Variants in USP32 observed in about 807,000 individuals in gnomAD.
The protein encoded by USP32 is ubiquitin carboxyl-terminal hydrolase 32.
USP32 carries 59 observed loss-of-function variants against 204.8 expected under a neutral mutation model. The observed-to-expected ratio is 0.29, with a 90% CI of 0.23 to 0.36. The LOEUF is 0.36. Ranked by LOEUF, USP32 falls within the 10% of genes least tolerant of loss-of-function variation. The probability of loss-of-function intolerance (pLI) is 1.00; values close to 1 mark genes in which losing one functional copy is unlikely to be tolerated. For synonymous variants in USP32, 517 were observed against 678.4 expected, an observed-to-expected ratio of 0.76 and a Z score of 3.70; for missense variants, 1,160 against 1,946.4, an observed-to-expected ratio of 0.60 and a Z score of 7.60.
intron 12 of USP32, among the ~76,000 whole-genome samples, chr17:60,233,125 T>C (rs1435808753): frequency 6.6e-6 from 1 of 152,150 alleles, no homozygotes; most frequent in Non-Finnish European, 1.5e-5. Context: ...CTTATTGAAG[T>C]TTCTCATAAT....
chr17:60,318,145 AAC>A (rs1324387121), intron 2 of USP32, among the ~76,000 whole-genome samples: 1 of 152,260 alleles, frequency 6.6e-6, no homozygotes, highest in African/African-American at 2.4e-5. Flanking sequence ...CTAAAAGGTT[AAC>A]AGAATTAAAT....
At chr17:60,345,708 A>G (rs1448239090) in intron 1 of USP32, 100 bp from the exon 2 acceptor site, 1 of 1,463,550 alleles carries the variant, frequency 6.8e-7, no homozygotes, top group Non-Finnish European at 9.5e-7. Flanking sequence ...GAGGCTAGGC[A>G]CAGTGGCTCA....
chr17:60,201,853 T>A (rs915483516), intron 26 of USP32, among the ~76,000 whole-genome samples: 1 of 152,130 alleles, frequency 6.6e-6, no homozygotes, highest in African/African-American at 2.4e-5. Flanking sequence ...GAGATGGAGT[T>A]TCACCATATT....
At chr17:60,288,292 T>C (rs1236441882) in intron 5 of USP32, among the ~76,000 whole-genome samples, 2 of 151,276 alleles carry the variant, frequency 1.3e-5, no homozygotes, top group African/African-American at 4.9e-5. Context: ...ATAAAAAAAT[T>C]AGCCAGGCAT....
chr17:60,329,585 G>C (rs1321314313), intron 2 of USP32, among the ~76,000 whole-genome samples: 1 of 151,742 alleles, frequency 6.6e-6, no homozygotes, highest in East Asian at 1.9e-4. Context: ...CTAGGATACA[G>C]GCATAAGCCA....
chr17:60,392,204 C>G, upstream of USP32: 2 of 518,874 alleles, frequency 3.9e-6, no homozygotes, highest in South Asian at 2.3e-5. Flanking sequence ...TCCTCCCTCT[C>G]CTTCCCTCCT....
chr17:60,280,429 C>T (rs2086942646), intron 5 of USP32, among the ~76,000 whole-genome samples: 1 of 152,178 alleles, frequency 6.6e-6, no homozygotes, highest in East Asian at 1.9e-4. Context: ...TAAGTCTGTA[C>T]TGAATACAAA....
At chr17:60,249,469 C>T (rs947513404) in intron 11 of USP32, 10 of 437,820 alleles carry the variant, frequency 2.3e-5, no homozygotes, top group African/African-American at 1.8e-4. Flanking sequence ...TCTGCTGCTT[C>T]CCCTAACCAG....
In USP32 at chr17:60,180,697, A is replaced by G. The variant is rs187193346; in HGVS notation, c.4549-60T>C. On this transcript the variant is annotated intron_variant, in intron 32 of 33. Transcript: ENST00000300896. ...GTTAACTGTACTATGGCCAGGGTAT[A>G]GCACTAGGATCTGAGCAGGAGAACA... 638 of 1,508,260 alleles carry G rather than the reference A, an allele frequency of 4.2e-4. 5 individuals are homozygous for G. The African/African-American group carries it at 7.5e-3, about 18-fold the overall frequency. The allele number at this position is 1,508,260 out of a possible 1,614,324, so 93.4% of individuals were successfully genotyped here.
At chr17:60,185,045 T>C (rs62083731) in intron 30 of USP32, among the ~76,000 whole-genome samples, 5,125 of 152,294 alleles carry the variant, frequency 0.034, 141 homozygotes, top group South Asian at 0.071. Context: ...TAGTGTGCCA[T>C]AGCCACATGA....
chr17:60,186,159 T>C (rs567961169), intron 29 of USP32, among the ~76,000 whole-genome samples: 1 of 152,372 alleles, frequency 6.6e-6, no homozygotes, highest in African/African-American at 2.4e-5. Flanking sequence ...ATAAAATTTC[T>C]ATTTATATGA....
intron 1 of USP32, among the ~76,000 whole-genome samples, chr17:60,370,703 A>G (rs898169115): frequency 2.5e-4 from 38 of 151,028 alleles, no homozygotes; most frequent in Admixed American, 4.0e-4. Flanking sequence ...TCGAGGCTAC[A>G]GTGAGTTGTG....
chr17:60,292,826 C>A (rs894855066), intron 4 of USP32, among the ~76,000 whole-genome samples: 1 of 151,614 alleles, frequency 6.6e-6, no homozygotes, highest in African/African-American at 2.4e-5. Flanking sequence ...TACTCAAAAC[C>A]TTCCAGTGGT....
chr17:60,385,602 G>A (rs1412641149), intron 1 of USP32, among the ~76,000 whole-genome samples: 1 of 152,064 alleles, frequency 6.6e-6, no homozygotes, highest in East Asian at 1.9e-4. Flanking sequence ...AGCACTTTGG[G>A]AGGCCAGCGT....
chr17:60,245,976 A>G (rs1221345664), intron 11 of USP32, among the ~76,000 whole-genome samples: 1 of 151,994 alleles, frequency 6.6e-6, no homozygotes, highest in Admixed American at 6.6e-5. Context: ...ATGATCAAAT[A>G]TGGTAATTAG....
intron 11 of USP32, among the ~76,000 whole-genome samples, chr17:60,250,833 T>C (rs1435136530): frequency 1.3e-5 from 2 of 151,932 alleles, no homozygotes; most frequent in African/African-American, 4.8e-5. Context: ...AAAAACTACA[T>C]GAGACTAGAG....
chr17:60,236,271 A>G (rs760873312), intron 11 of USP32, 31 bp from the exon 12 acceptor site: 1 of 1,575,756 alleles, frequency 6.3e-7, no homozygotes, highest in African/African-American at 1.3e-5. Flanking sequence ...AAATACATCA[A>G]ACAAAGTGTG....
Position 60,178,918 on chromosome 17 carries a change from G to T in USP32, c.*337C>A, listed in dbSNP as rs1477954483. On this transcript the variant is annotated 3_prime_UTR_variant, in exon 34 of 34. Transcript: ENST00000300896. ...AATCTTTAATATTTGTTATGATTAT[G>T]GTAAACTCTATACTCACTACATATT... 6.6e-6 allele frequency among the ~76,000 whole-genome samples: 1 copy of T among 152,124 alleles called. No individual in the cohort carries two copies. Among genetic ancestry groups the T allele is most frequent in the Admixed American group, 6.5e-5 (1 of 15,270 alleles).
chr17:60,205,644 G>T lies in USP32; in HGVS notation c.3052C>A (p.Pro1018Thr). 6.2e-7 allele frequency: 1 copy of T among 1,613,944 alleles called. No individual in the cohort carries two copies. ...SPTQTDFSSS[P>T]STNEMFTLTT... Reference sequence around the variant, plus strand: ...AGGGTGAACATTTCATTTGTAGATGGCGAAGAGGAGAAATCTACAAATTCA... The same window carrying T: ...AGGGTGAACATTTCATTTGTAGATGTCGAAGAGGAGAAATCTACAAATTCA... The change falls in exon 26 of 34, where the codon CCA (proline) becomes ACA (threonine). Residue 1018 changes from proline (P) to threonine (T), a missense_variant. By Grantham distance (38) the Pro-to-Thr change is conservative (BLOSUM62 -1). Transcript: ENST00000300896.
Sources: allele counts gnomAD v4.1 joint callset (sites outside exome capture counted in the v4.1 genomes callset), GRCh38; gene constraint gnomAD v4.1.1; transcripts MANE v1.5; gene names NCBI Gene and HGNC (gene_info 2026-07-23, HGNC 2026-07-21).